The following GUCY1A2 variants were observed in gnomAD, a reference collection of about 807,000 sequenced individuals.
GUCY1A2 encodes the protein guanylate cyclase 1 soluble subunit alpha 2, also known as guanylate cyclase soluble subunit alpha-2.
In GUCY1A2, 27 loss-of-function variants were observed where a neutral mutation model predicts 63.5. The ratio of observed to expected loss-of-function variants is 0.43; its 90% confidence interval spans 0.31 to 0.59. The LOEUF is 0.59. Ranked by LOEUF, GUCY1A2 falls within the 20% of genes least tolerant of loss-of-function variation. GUCY1A2 has a pLI of 0.11. For synonymous variants in GUCY1A2, 364 were observed against 343.5 expected (o/e 1.06, Z -0.66); for missense variants, 768 against 913.3 (o/e 0.84, Z 2.05).
chr11:106,738,388 T>C (rs1863627734), intron 6 of GUCY1A2, among the ~76,000 whole-genome samples: 1 of 152,224 alleles, frequency 6.6e-6, no homozygotes, highest in Non-Finnish European at 1.5e-5. Context: ...AGAAGCTCTT[T>C]AGTTTAATTA....
chr11:106,800,380 A>G (rs1272663711), intron 5 of GUCY1A2, among the ~76,000 whole-genome samples: 3 of 152,206 alleles, frequency 2.0e-5, no homozygotes, highest in African/African-American at 4.8e-5. Context: ...CAGCCATCCC[A>G]TTACTGGGTA....
At chr11:106,988,688 T>C (rs1861433531) in intron 1 of GUCY1A2, among the ~76,000 whole-genome samples, 1 of 152,212 alleles carries the variant, frequency 6.6e-6, no homozygotes, top group Admixed American at 6.5e-5. Context: ...CACTTCCTAT[T>C]TCTTGCCAAA....
intron 4 of GUCY1A2, among the ~76,000 whole-genome samples, chr11:106,905,640 T>C (rs1382409135): frequency 6.6e-6 from 1 of 152,076 alleles, no homozygotes; most frequent in African/African-American, 2.4e-5. Flanking sequence ...CCTGTGAAGT[T>C]GCAGATACCA....
Position 106,675,086 on chromosome 11 carries a change from T to C in GUCY1A2, c.*12463A>G. On this transcript the variant is annotated 3_prime_UTR_variant, in exon 8 of 8. Coordinates refer to ENST00000526355, the MANE Select transcript of GUCY1A2 (RefSeq NM_000855.3). ...GTTTTGTAAAATGGCTACTCATGAT[T>C]GAAGAGTCAGAATTCAGGTAGGTTG... 1 of 213,508 alleles carries C rather than the reference T, an allele frequency of 4.7e-6. No homozygotes were observed. Among genetic ancestry groups the C allele is most frequent in the Non-Finnish European group, 9.5e-6 (1 of 105,626 alleles). 13.2% of individuals were successfully genotyped at this position (213,508 alleles called of 1,614,324 possible).
chr11:106,944,438 C>A (rs1319547259), intron 3 of GUCY1A2, among the ~76,000 whole-genome samples: 1 of 151,750 alleles, frequency 6.6e-6, no homozygotes, highest in Non-Finnish European at 1.5e-5. Flanking sequence ...CAGAGTGAGA[C>A]CTTGTACTGA....
intron 6 of GUCY1A2, among the ~76,000 whole-genome samples, chr11:106,719,991 G>A (rs975738672): frequency 6.6e-6 from 1 of 152,016 alleles, no homozygotes; most frequent in Admixed American, 6.5e-5. Flanking sequence ...TCTTCAATTA[G>A]GAAACACAAT....
chr11:107,008,032 C>T (rs1861695557), intron 1 of GUCY1A2, among the ~76,000 whole-genome samples: 1 of 149,688 alleles, frequency 6.7e-6, no homozygotes, highest in South Asian at 2.1e-4. Flanking sequence ...CCTGTAATCC[C>T]AGTACTTTGG....
chr11:106,747,246 C>A (rs1863805887), intron 6 of GUCY1A2, among the ~76,000 whole-genome samples: 1 of 152,152 alleles, frequency 6.6e-6, no homozygotes, highest in South Asian at 2.1e-4. Context: ...CCTCGGCCTG[C>A]CAAAGTGCTG....
chr11:106,692,627 C>T (rs1427854383), intron 7 of GUCY1A2, among the ~76,000 whole-genome samples: 1 of 152,056 alleles, frequency 6.6e-6, no homozygotes, highest in East Asian at 1.9e-4. Flanking sequence ...AAATGTAGTT[C>T]AAATTTTAAC....
At chr11:106,745,836 A>G (rs1033615657) in intron 6 of GUCY1A2, among the ~76,000 whole-genome samples, 1 of 152,194 alleles carries the variant, frequency 6.6e-6, no homozygotes, top group African/African-American at 2.4e-5. Context: ...GTTCTGTGCT[A>G]ATGACAGCCA....
chr11:106,716,823 A>G (rs1418165934), intron 6 of GUCY1A2, among the ~76,000 whole-genome samples: 1 of 150,956 alleles, frequency 6.6e-6, no homozygotes, highest in Non-Finnish European at 1.5e-5. Flanking sequence ...GAATTATAAG[A>G]GAGCTATAAG....
At chr11:106,854,936 C>T (rs1282084403) in intron 4 of GUCY1A2, among the ~76,000 whole-genome samples, 1 of 152,066 alleles carries the variant, frequency 6.6e-6, no homozygotes, top group Admixed American at 6.5e-5. Flanking sequence ...CTGCATAGGC[C>T]AGAATCCTGG....
In GUCY1A2 at chr11:106,680,572, A is replaced by C. The variant is rs747176855; in HGVS notation, c.*6977T>G. The C allele has an allele frequency of 1.5e-5, 3 of 195,972 alleles. No individual in the cohort carries two copies. Among genetic ancestry groups the C allele is most frequent in the Non-Finnish European group, 3.2e-5 (3 of 94,416 alleles). The allele number at this position is 195,972 out of a possible 1,614,324, so 12.1% of individuals were successfully genotyped here. The stretch of plus-strand genomic sequence containing the variant: ...TGGAAGGATAACTTCAGTGTAATTT[A>C]ATAGATTCAAATTAAATATTTTCCA... On this transcript the variant is annotated 3_prime_UTR_variant, in exon 8 of 8. Transcript: ENST00000526355.
chr11:106,917,564 C>T (rs1329538609), intron 4 of GUCY1A2, among the ~76,000 whole-genome samples: 1 of 144,338 alleles, frequency 6.9e-6, no homozygotes, highest in Non-Finnish European at 1.6e-5. Flanking sequence ...CAATGATAGA[C>T]TGGATTAAGA....
chr11:106,785,442 C>G (rs1864539377), intron 5 of GUCY1A2, among the ~76,000 whole-genome samples: 1 of 151,828 alleles, frequency 6.6e-6, no homozygotes, highest in African/African-American at 2.4e-5. Flanking sequence ...TACAACCATA[C>G]CTGATGGACA....
At chr11:106,738,533 T>C (rs1157055502) in intron 6 of GUCY1A2, among the ~76,000 whole-genome samples, 1 of 152,172 alleles carries the variant, frequency 6.6e-6, no homozygotes, top group Non-Finnish European at 1.5e-5. Context: ...AGGTCTTACG[T>C]TTAAGTCTTT....
chr11:106,775,778 A>G (rs905268896), intron 6 of GUCY1A2, among the ~76,000 whole-genome samples: 1 of 147,594 alleles, frequency 6.8e-6, no homozygotes, highest in African/African-American at 2.5e-5. Context: ...TTCCCCAAAT[A>G]TAAGATTTCT....
At chr11:106,819,423 T>G (rs2135429374) in intron 4 of GUCY1A2, among the ~76,000 whole-genome samples, 1 of 152,264 alleles carries the variant, frequency 6.6e-6, no homozygotes, top group East Asian at 1.9e-4. Context: ...TGCAGCAAAC[T>G]TCATTGCTGT....
At chr11:106,854,897 C>G (rs901777) in intron 4 of GUCY1A2, among the ~76,000 whole-genome samples, 3 of 152,098 alleles carry the variant, frequency 2.0e-5, no homozygotes, top group South Asian at 2.1e-4. Flanking sequence ...CTGGTGTGCT[C>G]TATCACCTGT....
Sources: allele counts gnomAD v4.1 joint callset (sites outside exome capture counted in the v4.1 genomes callset), GRCh38; gene constraint gnomAD v4.1.1; transcripts MANE v1.5; gene names NCBI Gene and HGNC (gene_info 2026-07-23, HGNC 2026-07-21).